The following INVS variants were observed in gnomAD, a reference collection of about 807,000 sequenced individuals.
INVS encodes inversin, also known as inversion of embryo turning homolog.
INVS carries 86 observed loss-of-function variants against 108.8 expected under a neutral mutation model. The observed-to-expected ratio is 0.79, with a 90% CI of 0.66 to 0.95. The LOEUF is 0.95. INVS is among the 40% of genes least tolerant of loss of function. The pLI is 0.00. For synonymous variants in INVS, 455 were observed against 473.5 expected (o/e 0.96, Z 0.51); for missense variants, 1,169 against 1,297.4 (o/e 0.90, Z 1.52).
rs75953166 is a variant in INVS at position 100,188,255 on chromosome 9, G to A, written c.274-37807G>A. ...AAAGTGGGCATCCTTGTCTTGTTCC[G>A]GTTCTTCCAGGGAATGCTTTCTAAT... On this transcript the variant is annotated intron_variant, in intron 3 of 16. Coordinates refer to ENST00000262457, the MANE Select transcript of INVS (RefSeq NM_014425.5). 3.6e-3 allele frequency among the ~76,000 whole-genome samples: 545 copies of A among 152,162 alleles called. 4 individuals are homozygous for A. The highest frequency in any genetic ancestry group is 0.013 in the African/African-American group (519 of 41,512).
chr9:100,272,698 G>A (rs940836713), intron 11 of INVS, among the ~76,000 whole-genome samples, 166 bp from the exon 12 acceptor site: 2 of 151,900 alleles, frequency 1.3e-5, no homozygotes, highest in Non-Finnish European at 2.9e-5. Context: ...TGTGCCCCTC[G>A]GAGAAAAAAA....
At chr9:100,114,970 T>G (rs1827463657) in intron 2 of INVS, among the ~76,000 whole-genome samples, 1 of 152,230 alleles carries the variant, frequency 6.6e-6, no homozygotes, top group Non-Finnish European at 1.5e-5. Flanking sequence ...AACACTTAAG[T>G]GAAAAATTAT....
chr9:100,140,907 G>C (rs1041808672), intron 3 of INVS, among the ~76,000 whole-genome samples: 4 of 152,164 alleles, frequency 2.6e-5, no homozygotes, highest in African/African-American at 9.7e-5. Context: ...GGTATTAAAG[G>C]ACTAAGAATT....
intron 3 of INVS, among the ~76,000 whole-genome samples, chr9:100,188,237 G>A (rs1387276333): frequency 1.3e-5 from 2 of 152,088 alleles, no homozygotes; most frequent in Non-Finnish European, 2.9e-5. Flanking sequence ...ATGAAAGTGG[G>A]CATCCTTGTC....
At chr9:100,284,240 T>G in intron 12 of INVS, 80 bp from the exon 13 acceptor site, 2 of 1,550,458 alleles carry the variant, frequency 1.3e-6, no homozygotes, top group South Asian at 2.3e-5. Context: ...TAGCTCCTCT[T>G]AAAATTTAAA....
In INVS at chr9:100,271,861, G is replaced by T. The variant is rs149458106; in HGVS notation, c.1572-1003G>T. ...GTCAGATTTGTCAATCTTCTTTTATGGTTTCCGAAATTTTTTTTTTTTTTG... is the reference window on the plus strand; with the variant it reads ...GTCAGATTTGTCAATCTTCTTTTATTGTTTCCGAAATTTTTTTTTTTTTTG... On this transcript the variant is annotated intron_variant, in intron 11 of 16. Transcript: ENST00000262457. Among the ~76,000 whole-genome samples the T allele has an allele frequency of 5.9e-5, 9 of 151,696 alleles. No homozygotes were observed. In the East Asian group the frequency reaches 1.5e-3, roughly 26 times the overall value.
At chr9:100,119,500 C>T (rs753651699) in intron 2 of INVS, among the ~76,000 whole-genome samples, 1 of 152,220 alleles carries the variant, frequency 6.6e-6, no homozygotes, top group African/African-American at 2.4e-5. Flanking sequence ...GCAGTCAAGG[C>T]GTCAGCCAGG....
At chr9:100,175,704 A>G in intron 3 of INVS, 1 of 627,432 alleles carries the variant, frequency 1.6e-6, no homozygotes, top group Non-Finnish European at 3.0e-6. Context: ...CTTGGCGAAC[A>G]TGTCTGGGAA....
At chr9:100,114,978 T>G (rs1827464083) in intron 2 of INVS, among the ~76,000 whole-genome samples, 1 of 152,238 alleles carries the variant, frequency 6.6e-6, no homozygotes, top group Non-Finnish European at 1.5e-5. Flanking sequence ...AGTGAAAAAT[T>G]ATTAGGCCAT....
At chr9:100,185,516 AATATATATATATATATAT>A (rs35603398) in intron 3 of INVS, among the ~76,000 whole-genome samples, 9,227 of 110,822 alleles carry the variant, frequency 0.083, 531 homozygotes, top group African/African-American at 0.095. Flanking sequence ...TATGCATAGA[AATATATATATATATATAT>A]ATATATATAT....
chr9:100,207,599 G>T (rs1036419190), intron 3 of INVS, among the ~76,000 whole-genome samples: 1 of 152,224 alleles, frequency 6.6e-6, no homozygotes, highest in South Asian at 2.1e-4. Context: ...AGCTGCACAA[G>T]TTATTTTTAA....
intron 4 of INVS, among the ~76,000 whole-genome samples, chr9:100,229,110 C>T (rs1831430019): frequency 6.6e-6 from 1 of 152,212 alleles, no homozygotes; most frequent in African/African-American, 2.4e-5. Flanking sequence ...TACGGTAGAG[C>T]TTAGCAAACT....
chr9:100,200,418 C>T (rs1052540923), intron 3 of INVS, among the ~76,000 whole-genome samples: 1 of 152,050 alleles, frequency 6.6e-6, no homozygotes, highest in Non-Finnish European at 1.5e-5. Flanking sequence ...TGTTATCTTC[C>T]TCTAAAGAAT....
chr9:100,185,924 A>C (rs1185778781), intron 3 of INVS, among the ~76,000 whole-genome samples: 3 of 152,022 alleles, frequency 2.0e-5, no homozygotes, highest in Admixed American at 2.0e-4. Context: ...TATATGTTCC[A>C]CATTTTCTTC....
intron 3 of INVS, among the ~76,000 whole-genome samples, chr9:100,149,688 T>G (rs764889758): frequency 2.0e-5 from 3 of 152,206 alleles, no homozygotes; most frequent in Non-Finnish European, 4.4e-5. Flanking sequence ...TTATAGTTTA[T>G]GTACTTCTAT....
chr9:100,175,564 G>T, intron 3 of INVS: 1 of 723,334 alleles, frequency 1.4e-6, no homozygotes. Context: ...GTTAAGACTT[G>T]GTTCCAGAAC....
chr9:100,260,882 G>T (rs563645178), intron 10 of INVS, among the ~76,000 whole-genome samples: 220 of 152,114 alleles, frequency 1.4e-3, no homozygotes, highest in African/African-American at 4.9e-3. Context: ...TTTCCTTTGG[G>T]ATTATCGCAT....
At chr9:100,243,679 G>A (rs1367446197) in intron 7 of INVS, among the ~76,000 whole-genome samples, 2 of 152,034 alleles carry the variant, frequency 1.3e-5, no homozygotes, top group African/African-American at 2.4e-5. Context: ...TTCTACATGG[G>A]TATGCATAGT....
chr9:100,117,369 T>G lies in INVS; in HGVS notation c.107-9014T>G. On this transcript the variant is annotated intron_variant, in intron 2 of 16. Transcript: ENST00000262457. ...AAAAAGTCAATGATCTCAGATTCAT[T>G]AATGGGCAGGGAGAAGAGACAGATT... 2.0e-5 allele frequency: 15 copies of G among 756,446 alleles called. No individual in the cohort carries two copies. In the South Asian group the frequency reaches 2.1e-4, roughly 10 times the overall value. 46.9% of individuals were successfully genotyped at this position (756,446 alleles called of 1,614,324 possible).
Sources: allele counts gnomAD v4.1 joint callset (sites outside exome capture counted in the v4.1 genomes callset), GRCh38; gene constraint gnomAD v4.1.1; transcripts MANE v1.5; gene names NCBI Gene and HGNC (gene_info 2026-07-23, HGNC 2026-07-21).